USP11: variants seen among roughly 807,000 people sequenced by gnomAD.
USP11 encodes ubiquitin carboxyl-terminal hydrolase 11.
In USP11, 5 loss-of-function variants were observed where a neutral mutation model predicts 72.8. The ratio of observed to expected loss-of-function variants is 0.07; its 90% CI spans 0.04 to 0.14. The LOEUF is 0.14. Among genes scored for constraint, USP11 ranks in the 10% least tolerant of loss-of-function variants. USP11 has a pLI of 1.00. For missense variants in USP11, 480 were observed against 794.7 expected (o/e 0.60, Z 4.76); for synonymous variants, 368 against 326.5 (o/e 1.13, Z -1.37).
intron 1 of USP11, among the ~76,000 whole-genome samples, chrX:47,234,337 A>C (rs2055361563): frequency 8.9e-6 from 1 of 112,173 alleles, no homozygotes; most frequent in Non-Finnish European, 1.9e-5. Context: ...ATCCTGGAAC[A>C]GAAAAAAAAA....
chrX:47,243,712 C>T, intron 13 of USP11, 110 bp downstream of exon 13: 2 of 752,917 alleles, frequency 2.7e-6, no homozygotes, highest in South Asian at 5.3e-5. Context: ...ACAGTCCAAA[C>T]TTAACATGGC....
chrX:47,237,776 GTGTGTGTGTA>G (rs72280481), intron 1 of USP11, among the ~76,000 whole-genome samples: 1,756 of 28,110 alleles, frequency 0.062, 16 homozygotes, highest in East Asian at 0.19. Context: ...AGCAGAACAG[GTGTGTGTGTA>G]TGTGTGTGTG....
At chrX:47,233,452 G>T in intron 1 of USP11, 1 of 1,058,764 alleles carries the variant, frequency 9.4e-7, no homozygotes, top group Non-Finnish European at 1.2e-6. Context: ...ACAAAATGGG[G>T]TTTGTTGTGA....
Position 47,243,620 on chromosome X carries a change from C to CGGG in USP11, c.1790+21_1790+23dup. 8.3e-7 allele frequency: 1 copy of CGGG among 1,205,893 alleles called. No homozygotes were observed. Among genetic ancestry groups the CGGG allele is most frequent in the Non-Finnish European group, 1.1e-6 (1 of 891,343 alleles). On this transcript the variant is annotated intron_variant, in intron 13 of 20. Transcript: ENST00000377107. ...CGGCTCTCGTAAGTGTCCTCTTCCC[C>CGGG]GGGGGTGGGGGGCGGAGGGGTCTGA...
At position 47,243,500 on chromosome X, in the gene USP11, CCTA is replaced by C. The variant is rs754472190; in HGVS notation, c.1693_1695del (p.Tyr565del). On this transcript the variant is annotated inframe_deletion, in exon 13 of 21. Transcript: ENST00000377107. Reference sequence around the variant, plus strand: ...ACCCCTGCCCGTGACTACAACAACTCCTACTACGGCCTGATGCTTTTTGGACAC... The same window carrying C: ...ACCCCTGCCCGTGACTACAACAACTCCTACGGCCTGATGCTTTTTGGACAC... 2 of 1,211,676 alleles carry C rather than the reference CCTA, an allele frequency of 1.7e-6. No homozygotes were observed. Among genetic ancestry groups the C allele is most frequent in the South Asian group, 1.8e-5 (1 of 56,974 alleles).
rs192777944 is a variant in USP11 at position 47,239,341 on chromosome X, C to T, written c.287-10C>T. ...ATTCTTCCTCTGCCACCTCCACCCC[C>T]GCCCCACAGATGAGATAAACTGGCG... is the stretch of plus-strand genomic sequence containing the variant. On this transcript the variant is annotated splice_polypyrimidine_tract_variant and intron_variant, in intron 2 of 20. Transcript: ENST00000377107. The T allele has an allele frequency of 1.2e-4, 142 of 1,208,013 alleles. No homozygotes were observed. In the African/African-American group the frequency reaches 2.0e-3, roughly 17 times the overall value.
At chrX:47,236,862 A>G (rs764801540) in intron 1 of USP11, among the ~76,000 whole-genome samples, 10 of 112,401 alleles carry the variant, frequency 8.9e-5, no homozygotes, top group Non-Finnish European at 1.5e-4. Context: ...TTTGGGTGTT[A>G]TTGATACAGA....
rs868143684 is a variant in USP11 at position 47,233,042 on chromosome X, C to T, written c.-2C>T. 1.7e-6 allele frequency: 2 copies of T among 1,210,918 alleles called. No individual in the cohort carries two copies. Among genetic ancestry groups the T allele is most frequent in the African/African-American group, 3.5e-5 (2 of 57,804 alleles). ...GTTGGCTGTAGAAGAGAACGGACGG[C>T]GATGGCGACGGTCGCAGCAAATCCA... On this transcript the variant is annotated 5_prime_UTR_variant, in exon 1 of 21. Transcript: ENST00000377107.
In USP11 at chrX:47,243,551, G is replaced by A. The variant is rs2055415187; in HGVS notation, c.1739G>A (p.Arg580Gln). ...FGHPLLVSVP[R>Q]DRFTWEGLYN... The stretch of plus-strand genomic sequence containing the variant: ...CACCCCCTCCTGGTATCAGTGCCCC[G>A]GGACCGCTTCACCTGGGAGGGCCTG... Residue 580 changes from arginine (R) to glutamine (Q), a missense_variant, in exon 13 of 21, where the codon CGG (arginine) becomes CAG (glutamine). Around this residue, in one of 5 missense-constraint regions of USP11, gnomAD observed 314 missense variants for 556.0 expected, o/e 0.56. Transcript: ENST00000377107. 1.7e-6 allele frequency: 2 copies of A among 1,211,900 alleles called. No individual in the cohort carries two copies. The highest frequency in any genetic ancestry group is 3.5e-5 in the South Asian group (2 of 56,992).
rs2055444255 is a variant in USP11, at chrX:47,247,862, T to C, written c.2695T>C (p.Ser899Pro). Residue 899 changes from serine to proline, a missense_variant, in exon 21 of 21, where the codon TCA becomes CCA. Physicochemically the swap from Ser to Pro is moderately conservative, Grantham distance 74. Around this residue, in one of 5 missense-constraint regions of USP11, gnomAD observed 314 missense variants for 556.0 expected, o/e 0.56. Transcript: ENST00000377107. ...GCGACGCCTGCTGTCCCCGGCCGGCTCATCTGGCGCCCCAGCCTCCCCTGC... is the reference window on the plus strand; with the variant it reads ...GCGACGCCTGCTGTCCCCGGCCGGCCCATCTGGCGCCCCAGCCTCCCCTGC... ...VARRLLSPAG[S>P]SGAPASPACS... 8.3e-7 allele frequency: 1 copy of C among 1,204,592 alleles called. No homozygotes were observed. The highest frequency in any genetic ancestry group is 1.1e-6 in the Non-Finnish European group (1 of 893,744).
intron 3 of USP11, 99 bp downstream of exon 3, chrX:47,239,580 A>G (rs2055391594): frequency 2.7e-6 from 3 of 1,121,145 alleles, no homozygotes; most frequent in African/African-American, 1.8e-5. Context: ...GTAGGTACAC[A>G]TATGTCTGCT....
intron 14 of USP11, 47 bp from the exon 15 acceptor site, chrX:47,244,635 G>T: frequency 8.3e-7 from 1 of 1,205,592 alleles, no homozygotes. Context: ...TTGCAGCTTA[G>T]CACTTGAGGC....
In USP11 at chrX:47,243,386, C is replaced by T. The variant is rs191626360; in HGVS notation, c.1584-10C>T. 9.9e-6 allele frequency: 12 copies of T among 1,209,154 alleles called. No homozygotes were observed. In the African/African-American group the frequency reaches 1.0e-4, roughly 11 times the overall value. On this transcript the variant is annotated splice_polypyrimidine_tract_variant and intron_variant, in intron 12 of 20. Transcript: ENST00000377107. ...CCTGATCAGGTGTGCCTGCTGTCCA[C>T]CCCCCACAGCTATGAGGTGTCAGGT... is the stretch of plus-strand genomic sequence containing the variant.
intron 1 of USP11, chrX:47,233,766 AGGGGC>A: frequency 2.2e-5 from 1 of 46,171 alleles, no homozygotes; most frequent in Non-Finnish European, 8.4e-5. Context: ...ACGTGAGCTG[AGGGGC>A]GTGCTCTGAG....
Position 47,233,060 on chromosome X carries a change from C to T in USP11, c.17C>T (p.Ala6Val), listed in dbSNP as rs750188009. Residue 6 changes from alanine to valine, a missense_variant, in exon 1 of 21, where the codon GCA becomes GTA. Physicochemically the swap from Ala to Val is moderately conservative, Grantham distance 64. Around this residue, in one of 5 missense-constraint regions of USP11, gnomAD observed 71 missense variants for 71.4 expected, o/e 0.99. Coordinates refer to ENST00000377107, the MANE Select transcript of USP11 (RefSeq NM_001371072.1). ...CGGACGGCGATGGCGACGGTCGCAG[C>T]AAATCCAGCTGCTGCTGCGGCGGCT... MATVA[A>V]NPAAAAAAVA... 14 of 1,208,614 alleles carry T rather than the reference C, an allele frequency of 1.2e-5. No homozygotes were observed. The highest frequency in any genetic ancestry group is 1.6e-5 in the Non-Finnish European group (14 of 894,334).
intron 1 of USP11, among the ~76,000 whole-genome samples, chrX:47,234,154 TAAAACATTTACG>T (rs1290488211): frequency 9.0e-6 from 1 of 111,419 alleles, no homozygotes; most frequent in Non-Finnish European, 1.9e-5. Flanking sequence ...AAAGATTATA[TAAAACATTTACG>T]CAGCCCAGAT....
At chrX:47,233,686 G>A in intron 1 of USP11, 1 of 400,796 alleles carries the variant, frequency 2.5e-6, no homozygotes, top group Non-Finnish European at 3.2e-6. Flanking sequence ...AACGGTCCGA[G>A]GGAGGGAGCG....
chrX:47,245,531 C>A, intron 17 of USP11, 49 bp downstream of exon 17: 217 of 702,519 alleles, frequency 3.1e-4, no homozygotes, highest in Non-Finnish European at 4.2e-4. Flanking sequence ...TTGGATGGAA[C>A]TACTATATTT....
chrX:47,233,689 A>T, intron 1 of USP11: 5 of 293,246 alleles, frequency 1.7e-5, no homozygotes, highest in Non-Finnish European at 2.2e-5. Context: ...GGTCCGAGGG[A>T]GGGAGCGGGG....
Sources: allele counts gnomAD v4.1 joint callset (sites outside exome capture counted in the v4.1 genomes callset), GRCh38; gene constraint gnomAD v4.1.1; regional missense constraint gnomAD v4.1.1; transcripts MANE v1.5; gene names NCBI Gene and HGNC (gene_info 2026-07-23, HGNC 2026-07-21).